MRTFB: variants seen among roughly 807,000 people sequenced by gnomAD.
The protein encoded by MRTFB is myocardin-related transcription factor B.
In MRTFB, 29 loss-of-function variants were observed where a neutral mutation model predicts 104.2. The ratio of observed to expected loss-of-function variants is 0.28; its 90% confidence interval spans 0.21 to 0.38. MRTFB has a LOEUF of 0.38. Among genes scored for constraint, MRTFB ranks in the 10% least tolerant of loss-of-function variants. The pLI is 1.00. For synonymous variants in MRTFB, 535 were observed against 519.5 expected (o/e 1.03, Z -0.41); for missense variants, 1,270 against 1,341.6 (o/e 0.95, Z 0.83).
Position 14,210,344 on chromosome 16 carries a change from A to C in MRTFB, c.220+36A>C. On this transcript the variant is annotated intron_variant, in intron 4 of 16. Transcript: ENST00000571589. Reference sequence around the variant, plus strand: ...TACCATCACTGCCATCCCTAACGTGACAGAACATGACGGGCGTGTCCAAGA... The same window carrying C: ...TACCATCACTGCCATCCCTAACGTGCCAGAACATGACGGGCGTGTCCAAGA... The C allele has an allele frequency of 1.9e-6, 3 of 1,541,412 alleles. No individual in the cohort carries two copies. In the East Asian group the frequency reaches 6.8e-5, roughly 35 times the overall value.
At chr16:14,168,314 A>G (rs2039315338) in intron 3 of MRTFB, among the ~76,000 whole-genome samples, 1 of 152,116 alleles carries the variant, frequency 6.6e-6, no homozygotes, top group Non-Finnish European at 1.5e-5. Context: ...ATATATGCAT[A>G]TGCCTAAGTG....
chr16:14,195,424 G>GTA (rs900626550), intron 3 of MRTFB: 11 of 655,836 alleles, frequency 1.7e-5, no homozygotes, highest in East Asian at 1.4e-4. Context: ...ACATGTGTGT[G>GTA]TATATATATA....
At chr16:14,164,915 C>T (rs1329574676) in intron 3 of MRTFB, among the ~76,000 whole-genome samples, 1 of 147,076 alleles carries the variant, frequency 6.8e-6, no homozygotes, top group African/African-American at 2.5e-5. Context: ...GTTGACTCTG[C>T]ATGTAGAAGA....
chr16:14,173,352 GTCTT>G (rs1445074177), intron 3 of MRTFB, among the ~76,000 whole-genome samples: 1 of 152,160 alleles, frequency 6.6e-6, no homozygotes, highest in Non-Finnish European at 1.5e-5. Context: ...ACCAAGGACT[GTCTT>G]TCTATTTGCC....
At chr16:14,080,643 C>G (rs747156967) in intron 2 of MRTFB, among the ~76,000 whole-genome samples, 5 of 152,172 alleles carry the variant, frequency 3.3e-5, no homozygotes, top group Non-Finnish European at 7.4e-5. Context: ...CATTTCCACA[C>G]CACCACCCCC....
chr16:14,031,994 G>C, the MRTFB span, among the ~76,000 whole-genome samples: 1 of 152,186 alleles, frequency 6.6e-6, no homozygotes, highest in Non-Finnish European at 1.5e-5. Context: ...TTTTAGTAGA[G>C]ACATAGTTTC....
chr16:14,140,689 T>C lies in MRTFB; in HGVS notation c.83T>C (p.Val28Ala). ...GCTCCAAGTCCTCAGAGTGAAGCTG[T>C]GGCTCATGAATTCCAGGAACTCTCC... The part of the protein sequence containing the change: ...HLAPSPQSEA[V>A]AHEFQELSLQ... The change falls in exon 3 of 17, where the codon GTG becomes GCG. Residue 28 changes from valine to alanine, a missense_variant. This residue lies in a region of MRTFB where 62 missense variants were observed against 57.2 expected (regional missense o/e 1.08). Coordinates refer to ENST00000571589, the MANE Select transcript of MRTFB (RefSeq NM_001308142.2). The C allele has an allele frequency of 6.2e-7, 1 of 1,614,194 alleles. No individual in the cohort carries two copies. The highest frequency in any genetic ancestry group is 8.5e-7 in the Non-Finnish European group (1 of 1,180,024).
chr16:14,210,102 C>T lies in MRTFB; in HGVS notation c.155-141C>T, dbSNP rs1451082957. ...AAAATAATTTTCCTTTTACAACTTA[C>T]GTGGTGCCAGGTAATATCCTTCTTT... On this transcript the variant is annotated intron_variant, in intron 3 of 16. Coordinates refer to ENST00000571589, the MANE Select transcript of MRTFB (RefSeq NM_001308142.2). 7 of 548,280 alleles carry T rather than the reference C, an allele frequency of 1.3e-5. No individual in the cohort carries two copies. The Admixed American group carries it at 1.7e-4, about 14-fold the overall frequency. 34.0% of individuals were successfully genotyped at this position (548,280 alleles called of 1,614,324 possible). A position where few individuals can be genotyped will look rare whatever the true frequency, so the allele number is the denominator to read the frequency against.
At chr16:14,037,033 T>C in the MRTFB span, among the ~76,000 whole-genome samples, 3 of 152,206 alleles carry the variant, frequency 2.0e-5, no homozygotes, top group Non-Finnish European at 2.9e-5. Context: ...AATTACTATT[T>C]TTTTTAAGCA....
chr16:14,015,350 C>G, the MRTFB span, among the ~76,000 whole-genome samples: 2 of 152,150 alleles, frequency 1.3e-5, no homozygotes, highest in African/African-American at 2.4e-5. Context: ...CCTCTCTTCC[C>G]CAAATAATTC....
intron 2 of MRTFB, among the ~76,000 whole-genome samples, chr16:14,103,417 GTGTT>G (rs202158799): frequency 1.3e-4 from 20 of 152,176 alleles, no homozygotes; most frequent in African/African-American, 2.2e-4. Context: ...ATGGGGGAGG[GTGTT>G]TGTTTGTTTT....
At chr16:14,017,150 G>C in the MRTFB span, among the ~76,000 whole-genome samples, 1 of 146,434 alleles carries the variant, frequency 6.8e-6, no homozygotes, top group East Asian at 2.0e-4. Flanking sequence ...TCCACCTCCC[G>C]GGTTCACACC....
At chr16:14,151,185 A>T (rs943963718) in intron 3 of MRTFB, 4 of 152,216 alleles carry the variant, frequency 2.6e-5, no homozygotes, top group Non-Finnish European at 5.9e-5. Context: ...AAATGGTGCC[A>T]CGTATGGTCT....
At chr16:14,084,122 C>G (rs181431217) in intron 2 of MRTFB, among the ~76,000 whole-genome samples, 3 of 152,126 alleles carry the variant, frequency 2.0e-5, no homozygotes, top group Non-Finnish European at 2.9e-5. Flanking sequence ...CTATTGCCTT[C>G]GTTAACTCAT....
chr16:14,211,956 T>A (rs1244777242), intron 4 of MRTFB, among the ~76,000 whole-genome samples: 2 of 152,166 alleles, frequency 1.3e-5, no homozygotes, highest in African/African-American at 4.8e-5. Flanking sequence ...GGACACAAAG[T>A]GCAGTGTGAT....
At chr16:14,217,330 C>G (rs2041471605) in intron 7 of MRTFB, 43 bp downstream of exon 7, 1 of 1,532,482 alleles carries the variant, frequency 6.5e-7, no homozygotes. Flanking sequence ...GAAAGAGAAA[C>G]TTGGAAATTT....
chr16:14,217,186 C>T lies in MRTFB; in HGVS notation c.413C>T (p.Ala138Val). The T allele has an allele frequency of 1.2e-6, 2 of 1,613,866 alleles. No individual in the cohort carries two copies. Among genetic ancestry groups the T allele is most frequent in the Non-Finnish European group, 1.7e-6 (2 of 1,179,862 alleles). Residue 138 changes from alanine (A) to valine (V), a missense_variant, in exon 7 of 17, where the codon GCA (alanine) becomes GTA (valine). Physicochemically the swap from Ala to Val is moderately conservative, Grantham distance 64. This residue lies in a region of MRTFB where 64 missense variants were observed against 152.9 expected (regional missense o/e 0.42). Coordinates refer to ENST00000571589, the MANE Select transcript of MRTFB (RefSeq NM_001308142.2). ...ATGAAGTTGAAAAGAGCTCGACTAGCAGATGATCTGAATGAAAAGATTGCT... is the reference window on the plus strand; with the variant it reads ...ATGAAGTTGAAAAGAGCTCGACTAGTAGATGATCTGAATGAAAAGATTGCT... ...TQMKLKRARL[A>V]DDLNEKIAQR...
chr16:14,130,596 G>A (rs1372883585), intron 2 of MRTFB, among the ~76,000 whole-genome samples: 1 of 152,218 alleles, frequency 6.6e-6, no homozygotes, highest in Non-Finnish European at 1.5e-5. Context: ...TGCCAATACT[G>A]TGTACGTGAA....
At chr16:14,200,194 C>T (rs1234001493) in intron 3 of MRTFB, 3 of 961,734 alleles carry the variant, frequency 3.1e-6, no homozygotes, top group Non-Finnish European at 4.6e-6. Context: ...TTCATTATAG[C>T]ATTATTTGTA....
Sources: gnomAD v4.1 joint callset for allele counts (sites outside exome capture counted in the v4.1 genomes callset) on GRCh38, gnomAD v4.1.1 for gene constraint, gnomAD v4.1.1 regional missense constraint, MANE v1.5 for transcripts, NCBI Gene and HGNC (gene_info 2026-07-23, HGNC 2026-07-21) for gene names.